The following TAF1 variants were observed in gnomAD, a reference collection of about 807,000 sequenced individuals.
TAF1 encodes the protein transcription initiation factor TFIID subunit 1.
A neutral mutation model predicts 138.5 loss-of-function variants in TAF1; 2 were observed. The ratio of observed to expected loss-of-function variants is 0.01; its 90% CI spans 0.01 to 0.05. TAF1 has a LOEUF of 0.05. TAF1 is among the 10% of genes least tolerant of loss of function. TAF1 has a pLI of 1.00. For synonymous variants in TAF1, 437 were observed against 503.2 expected (o/e 0.87, Z 1.76); for missense variants, 709 against 1,478.0 (o/e 0.48, Z 8.53).
chrX:71,456,230 A>C (rs1444874184), intron 34 of TAF1, among the ~76,000 whole-genome samples: 1 of 112,012 alleles, frequency 8.9e-6, no homozygotes, highest in Non-Finnish European at 1.9e-5. Flanking sequence ...GGTGAGTCAA[A>C]GCCTTAGACC....
chrX:71,501,789 C>T (rs926125278), intron 13 of TAF1, among the ~76,000 whole-genome samples: 3 of 111,428 alleles, frequency 2.7e-5, no homozygotes, highest in Admixed American at 9.6e-5. Flanking sequence ...CTGCACTATT[C>T]GCTTTTAACT....
At chrX:71,512,932 T>C (rs903380869) in intron 13 of TAF1, among the ~76,000 whole-genome samples, 12 of 112,613 alleles carry the variant, frequency 1.1e-4, no homozygotes, top group African/African-American at 3.9e-4. Context: ...CAGTGTCAAA[T>C]GCTTAGAGAG....
At chrX:71,383,353 G>T (rs143541055) in intron 12 of TAF1, among the ~76,000 whole-genome samples, 189 bp downstream of exon 12, 189 of 112,079 alleles carry the variant, frequency 1.7e-3, no homozygotes, top group African/African-American at 5.5e-3. Flanking sequence ...AAGGTGAGGT[G>T]TCAGAATGAC....
intron 32 of TAF1, chrX:71,441,549 CA>C (rs771219243): frequency 5.3e-4 from 106 of 199,502 alleles, no homozygotes; most frequent in African/African-American, 3.1e-3. Flanking sequence ...AAATGTTTAT[CA>C]TTTTTTTGTG....
At chrX:71,455,642 A>G (rs1313670115) in intron 34 of TAF1, among the ~76,000 whole-genome samples, 1 of 111,841 alleles carries the variant, frequency 8.9e-6, no homozygotes, top group Non-Finnish European at 1.9e-5. Flanking sequence ...TGGAAAGTTA[A>G]CCTCTCTCAC....
At chrX:71,493,846 CATTA>C (rs1164200143) in intron 13 of TAF1, among the ~76,000 whole-genome samples, 1 of 111,207 alleles carries the variant, frequency 9.0e-6, no homozygotes, top group African/African-American at 3.3e-5. Flanking sequence ...AAATTTTAAA[CATTA>C]GTTAGGCTTG....
intron 22 of TAF1, among the ~76,000 whole-genome samples, chrX:71,395,301 G>A (rs2034788627): frequency 9.0e-6 from 1 of 111,435 alleles, no homozygotes; most frequent in Admixed American, 9.6e-5. Context: ...ATGAGCCCCG[G>A]AGTTTGAGAC....
intron 13 of TAF1, among the ~76,000 whole-genome samples, chrX:71,480,457 T>C (rs1433347325): frequency 8.9e-6 from 1 of 111,989 alleles, no homozygotes; most frequent in Non-Finnish European, 1.9e-5. Flanking sequence ...ATTCCCACTA[T>C]GTACCCGGTA....
chrX:71,491,221 G>C (rs1336955147), intron 13 of TAF1: 1 of 110,096 alleles, frequency 9.1e-6, no homozygotes, highest in Admixed American at 9.8e-5. Context: ...AGCAGGCTGT[G>C]GGGAAGCGGG....
rs753286664 is a variant in TAF1, at chrX:71,397,317, T to C, written c.3471T>C (p.Leu1157=). ...ATGACACAGCTTCCGTGACTAGCCT[T>C]AACTCTTCTGCCACTGGACGCTGTC... ...RDDDTASVTS[L]NSSATGRCLK... Residue 1157 remains leucine (L), a synonymous_variant, in exon 23 of 38, where the codon CTT becomes CTC. Coordinates refer to ENST00000423759, the MANE Select transcript of TAF1 (RefSeq NM_004606.5). 1 of 1,211,613 alleles carries C rather than the reference T, an allele frequency of 8.3e-7. No individual in the cohort carries two copies. Among genetic ancestry groups the C allele is most frequent in the Non-Finnish European group, 1.1e-6 (1 of 895,536 alleles).
intron 17 of TAF1, 46 bp from the exon 18 acceptor site, chrX:71,389,539 G>A (rs2034438055): frequency 2.7e-6 from 3 of 1,096,129 alleles, no homozygotes; most frequent in Non-Finnish European, 3.7e-6. Context: ...CTTGTGCTTT[G>A]TGTTTTTTAA....
chrX:71,396,477 G>A (rs1181832694), intron 22 of TAF1, among the ~76,000 whole-genome samples: 1 of 108,073 alleles, frequency 9.3e-6, no homozygotes, highest in Non-Finnish European at 1.9e-5. Flanking sequence ...TAAATTTGTA[G>A]AGACAGTGTC....
Position 71,459,537 on chromosome X carries a change from A to T in TAF1, c.5065-15A>T. On this transcript the variant is annotated splice_polypyrimidine_tract_variant and intron_variant, in intron 35 of 37. Transcript: ENST00000423759. Reference sequence around the variant, plus strand: ...TCAGTTGATAGGACTTTGACCCCCAACTGGTCTCATTCAGGAAGGTGAAGA... The same window carrying T: ...TCAGTTGATAGGACTTTGACCCCCATCTGGTCTCATTCAGGAAGGTGAAGA... The T allele has an allele frequency of 8.3e-7, 1 of 1,209,472 alleles. No individual in the cohort carries two copies. Among genetic ancestry groups the T allele is most frequent in the Non-Finnish European group, 1.1e-6 (1 of 894,658 alleles).
chrX:71,423,306 C>T (rs1206161870), intron 30 of TAF1, 67 bp downstream of exon 30: 2 of 1,190,241 alleles, frequency 1.7e-6, no homozygotes, highest in Non-Finnish European at 2.3e-6. Flanking sequence ...TTAGGGTGTA[C>T]ACGTGTGTGT....
chrX:71,386,498 T>C (rs1434761956), intron 14 of TAF1, among the ~76,000 whole-genome samples: 2 of 112,456 alleles, frequency 1.8e-5, no homozygotes, highest in Non-Finnish European at 3.7e-5. Context: ...AGGGTCTGGC[T>C]CTGTGACCCA....
At chrX:71,376,477 C>T (rs187838352) in intron 4 of TAF1, among the ~76,000 whole-genome samples, 78 of 110,102 alleles carry the variant, frequency 7.1e-4, no homozygotes, top group Admixed American at 5.7e-3. Context: ...ACCAGACTGG[C>T]CAAGATGGTG....
Position 71,464,352 on chromosome X carries a change from C to A in TAF1, c.*306C>A. The stretch of plus-strand genomic sequence containing the variant: ...ATTTATTGCTTTTGGTATAATTTTT[C>A]CCTGGGGAAGGAGGGGAAATTATGA... On this transcript the variant is annotated 3_prime_UTR_variant, in exon 38 of 38. Coordinates refer to ENST00000423759, the MANE Select transcript of TAF1 (RefSeq NM_004606.5). 2.7e-6 allele frequency: 1 copy of A among 374,901 alleles called. No homozygotes were observed. Among genetic ancestry groups the A allele is most frequent in the Non-Finnish European group, 4.6e-6 (1 of 219,289 alleles). The allele number at this position is 374,901 out of a possible 1,213,427, so 30.9% of individuals were successfully genotyped here. A position where few individuals can be genotyped will look rare whatever the true frequency, so the allele number is the denominator to read the frequency against.
At chrX:71,490,187 G>A (rs1489978128) in intron 13 of TAF1, among the ~76,000 whole-genome samples, 1 of 112,260 alleles carries the variant, frequency 8.9e-6, no homozygotes. Context: ...TCTGTCTTGT[G>A]AGGACACAGA....
chrX:71,473,114 C>T (rs2038919392), intron 13 of TAF1, among the ~76,000 whole-genome samples: 1 of 111,834 alleles, frequency 8.9e-6, no homozygotes, highest in African/African-American at 3.2e-5. Flanking sequence ...ACAGCATTTG[C>T]CCTCAAGTGT....
Sources: gnomAD v4.1 joint callset for allele counts (sites outside exome capture counted in the v4.1 genomes callset) on GRCh38, gnomAD v4.1.1 for gene constraint, MANE v1.5 for transcripts, NCBI Gene and HGNC (gene_info 2026-07-23, HGNC 2026-07-21) for gene names.